CNBD2: variants seen among roughly 807,000 people sequenced by gnomAD.
CNBD2 encodes cyclic nucleotide binding domain containing 2, also known as cyclic nucleotide-binding domain-containing protein 2.
In CNBD2, 64 loss-of-function variants were observed where a neutral mutation model predicts 63.7. The observed-to-expected ratio is 1.00, with a 90% confidence interval of 0.82 to 1.24. The LOEUF is 1.24. Ranked by LOEUF, CNBD2 falls within the 50% of genes most tolerant of loss-of-function variation. CNBD2 has a pLI of 0.00. For missense variants in CNBD2, 691 were observed against 713.5 expected, an observed-to-expected ratio of 0.97 and a Z score of 0.36; for synonymous variants, 229 against 255.4, an observed-to-expected ratio of 0.90 and a Z score of 0.99.
downstream of CNBD2, chr20:35,957,857 G>A (rs2147163150): frequency 6.6e-6 from 1 of 152,254 alleles, no homozygotes; most frequent in African/African-American, 2.4e-5. Context: ...CCTAGATTGG[G>A]AGTTCACTTG....
intron 8 of CNBD2, among the ~76,000 whole-genome samples, chr20:36,005,425 C>T (rs553938795): frequency 6.6e-6 from 1 of 152,302 alleles, no homozygotes; most frequent in South Asian, 2.1e-4. Flanking sequence ...ACCTGCCACT[C>T]ATCTCCTGCT....
rs1252776711 is a variant in CNBD2 at position 35,984,126 on chromosome 20, TAGCTGTTTTGGGGTA to T, written c.556_564+6del. ...CCCACCCGAAATTGCTGCACAAGGGTAGCTGTTTTGGGGTAAGCCCAGGGGAAGGACCCAGTTTCC... is the reference window on the plus strand; with the variant it reads ...CCCACCCGAAATTGCTGCACAAGGGTAGCCCAGGGGAAGGACCCAGTTTCC... On this transcript the variant is annotated splice_donor_variant and splice_donor_region_variant and coding_sequence_variant and intron_variant, in exon 5 of 12. Transcript: ENST00000373973. LOFTEE classifies it high-confidence loss of function. 1.9e-5 allele frequency: 30 copies of T among 1,606,748 alleles called. No homozygotes were observed. Among genetic ancestry groups the T allele is most frequent in the Non-Finnish European group, 2.5e-5 (29 of 1,176,040 alleles).
At chr20:35,961,576 C>T (rs972758857) in intron 2 of CNBD2, among the ~76,000 whole-genome samples, 22 of 151,332 alleles carry the variant, frequency 1.5e-4, no homozygotes, top group African/African-American at 4.6e-4. Context: ...TTTGTTTTTC[C>T]TGTTCCCTGC....
intron 8 of CNBD2, among the ~76,000 whole-genome samples, chr20:35,995,371 C>T (rs77131325): frequency 0.04 from 6,073 of 152,010 alleles, 261 homozygotes; most frequent in African/African-American, 0.11. Flanking sequence ...TAGGTTCTCC[C>T]ACGTGACCAT....
In CNBD2 at chr20:35,984,082, A is replaced by C. The variant is rs752734432; in HGVS notation, c.508A>C (p.Ser170Arg). ...TGCAATAACCAAGGACGAGGATGGCAGCAGTGCCTTCCTAGATCCCCACCC... is the reference window on the plus strand; with the variant it reads ...TGCAATAACCAAGGACGAGGATGGCCGCAGTGCCTTCCTAGATCCCCACCC... ...TVAITKDEDG[S>R]SAFLDPHPKL... Residue 170 changes from serine to arginine, a missense_variant, in exon 5 of 12, where the codon AGC becomes CGC. Transcript: ENST00000373973. 1.1e-5 allele frequency: 17 copies of C among 1,613,998 alleles called. No individual in the cohort carries two copies. The South Asian group carries it at 1.4e-4, about 14-fold the overall frequency.
chr20:36,011,006 G>A (rs2590977), intron 9 of CNBD2, 131 bp from the exon 10 acceptor site: 11 of 971,346 alleles, frequency 1.1e-5, no homozygotes, highest in Middle Eastern at 3.7e-4. Context: ...GAGTTTTCTC[G>A]CCTTCTGGGA....
chr20:35,999,792 C>T (rs2056872337), intron 8 of CNBD2, among the ~76,000 whole-genome samples: 1 of 151,992 alleles, frequency 6.6e-6, no homozygotes. Context: ...ATTCTTCTGC[C>T]TCAGCCTCCC....
chr20:36,011,207 G>A lies in CNBD2; in HGVS notation c.1219G>A (p.Ala407Thr), dbSNP rs1355445193. ...GCCTGGTGAGCTCCCCAAGGAGGCT[G>A]CAGTGGGGGCCTACGTGAAGGTGCA... ...IKPGELPKEAAVGAYVKVHTV... is the reference protein window; with the variant it reads ...IKPGELPKEATVGAYVKVHTV... Residue 407 changes from alanine to threonine, a missense_variant, in exon 10 of 12, where the codon GCA becomes ACA. Ala to Thr is a moderately conservative substitution (Grantham distance 58). Coordinates refer to ENST00000373973, the MANE Select transcript of CNBD2 (RefSeq NM_001365709.1). The A allele has an allele frequency of 6.3e-7, 1 of 1,596,292 alleles. No individual in the cohort carries two copies. The highest frequency in any genetic ancestry group is 2.3e-5 in the East Asian group (1 of 43,612).
chr20:36,002,681 T>C (rs1035683277), intron 8 of CNBD2, among the ~76,000 whole-genome samples: 13 of 152,244 alleles, frequency 8.5e-5, no homozygotes, highest in Non-Finnish European at 8.8e-5. Context: ...TTTGAATTTT[T>C]TTATCAATAG....
rs2056435222 is a variant in CNBD2 at position 35,972,581 on chromosome 20, G to A, written c.52-48G>A. On this transcript the variant is annotated intron_variant, in intron 1 of 11. Transcript: ENST00000373973. The stretch of plus-strand genomic sequence containing the variant: ...AGCACCATCCAGCCTGCTGTTGACT[G>A]TTGAGAACAGATGGTTTCTATTGAT... 2.5e-6 allele frequency: 4 copies of A among 1,600,240 alleles called. 1 individual carries two copies. The South Asian group carries it at 3.3e-5, about 13-fold the overall frequency.
At chr20:36,010,461 A>C (rs1304766502) in intron 9 of CNBD2, among the ~76,000 whole-genome samples, 1 of 151,428 alleles carries the variant, frequency 6.6e-6, no homozygotes, top group Non-Finnish European at 1.5e-5. Flanking sequence ...AAAAAAAAAA[A>C]AGAAAAGAAA....
At chr20:35,962,415 C>T (rs1040962233) in intron 2 of CNBD2, among the ~76,000 whole-genome samples, 9 of 152,222 alleles carry the variant, frequency 5.9e-5, no homozygotes, top group East Asian at 3.9e-4. Flanking sequence ...CCCACCACCA[C>T]GCCCAGCTAA....
chr20:36,020,087 C>G (rs1231705002), intron 10 of CNBD2, among the ~76,000 whole-genome samples: 1 of 144,540 alleles, frequency 6.9e-6, no homozygotes. Flanking sequence ...TTTTCTTTTT[C>G]TTTTTTTTTT....
intron 4 of CNBD2, among the ~76,000 whole-genome samples, chr20:35,982,161 A>AGGG (rs1448915542): frequency 6.6e-6 from 1 of 152,030 alleles, no homozygotes; most frequent in Non-Finnish European, 1.5e-5. Flanking sequence ...GGCAGTGTGG[A>AGGG]GGGGGAGGAG....
chr20:36,023,513 CA>C (rs1481346674), intron 10 of CNBD2, 88 bp from the exon 11 acceptor site: 850 of 1,191,214 alleles, frequency 7.1e-4, no homozygotes, highest in South Asian at 1.2e-3. Flanking sequence ...AACTCCGTCT[CA>C]AAAAAAAATA....
At chr20:36,023,825 C>CA (rs2057251464) in intron 11 of CNBD2, 54 bp downstream of exon 11, 7 of 1,460,790 alleles carry the variant, frequency 4.8e-6, no homozygotes, top group Non-Finnish European at 6.4e-6. Context: ...CAATTTTTCA[C>CA]CTGTTATTTT....
intron 1 of CNBD2, among the ~76,000 whole-genome samples, chr20:35,970,897 A>G (rs1434939351): frequency 1.3e-5 from 2 of 151,164 alleles, no homozygotes; most frequent in Non-Finnish European, 2.9e-5. Flanking sequence ...GTACTTTTCA[A>G]TAGAAGTTAG....
chr20:36,023,899 G>T, intron 11 of CNBD2, 128 bp downstream of exon 11: 1 of 750,982 alleles, frequency 1.3e-6, no homozygotes. Context: ...GGGAGTTGTT[G>T]GTACACTCTA....
intron 11 of CNBD2, among the ~76,000 whole-genome samples, chr20:36,030,102 TCA>T (rs1355563353): frequency 6.6e-6 from 1 of 152,234 alleles, no homozygotes; most frequent in Non-Finnish European, 1.5e-5. Context: ...TATTTTACAC[TCA>T]CAGCACATCT....
Sources: allele counts gnomAD v4.1 joint callset (sites outside exome capture counted in the v4.1 genomes callset), GRCh38; gene constraint gnomAD v4.1.1; transcripts MANE v1.5; gene names NCBI Gene and HGNC (gene_info 2026-07-23, HGNC 2026-07-21).